Variants in HDLBP observed in about 807,000 individuals in gnomAD.
HDLBP encodes the protein vigilin.
In HDLBP, 30 loss-of-function variants were observed where a neutral mutation model predicts 137.3. The observed-to-expected ratio is 0.22, with a 90% CI of 0.16 to 0.30. HDLBP has a LOEUF of 0.30. HDLBP is among the 10% of genes least tolerant of loss of function. The pLI, the probability that HDLBP is intolerant of heterozygous loss-of-function variation, is 1.00. For synonymous variants in HDLBP, 606 were observed against 596.0 expected (o/e 1.02, Z -0.24); for missense variants, 1,119 against 1,667.3 (o/e 0.67, Z 5.73).
chr2:241,249,904 G>T lies in HDLBP; in HGVS notation c.1449C>A (p.Ile483=). The part of the protein sequence containing the change: ...PDSEKSNLIR[I]EGDPQGVQQA... ...GCTGCACGCCCTGTGGGTCCCCCTC[G>T]ATGCGGATCAAATTGCTCTTCTCAC... is the stretch of plus-strand genomic sequence containing the variant. The change falls in exon 12 of 28, where the codon ATC becomes ATA. Residue 483 remains isoleucine (I), a synonymous_variant. Coordinates refer to ENST00000310931, the MANE Select transcript of HDLBP (RefSeq NM_005336.6). The T allele has an allele frequency of 6.2e-7, 1 of 1,614,080 alleles. No individual in the cohort carries two copies. The highest frequency in any genetic ancestry group is 8.5e-7 in the Non-Finnish European group (1 of 1,179,968).
Position 241,255,378 on chromosome 2 carries a change from G to T in HDLBP, c.1076C>A (p.Ala359Asp). 1 of 1,613,680 alleles carries T rather than the reference G, an allele frequency of 6.2e-7. No homozygotes were observed. Among genetic ancestry groups the T allele is most frequent in the Non-Finnish European group, 8.5e-7 (1 of 1,179,586 alleles). The change falls in exon 8 of 28, where the codon GCC (alanine) becomes GAC (aspartate). Residue 359 changes from alanine (A) to aspartate (D), a missense_variant. This residue lies in a region of HDLBP where 425 missense variants were observed against 693.9 expected (regional missense o/e 0.61). Coordinates refer to ENST00000310931, the MANE Select transcript of HDLBP (RefSeq NM_005336.6). ...TTCATGCTCGGAGGCAGTTACCTTG[G>T]CATAGACTTCAGTCAACGCCTGACC... ...KLGQALTEVY[A>D]KANSFTVSSV...
rs547534187 is a variant in HDLBP, at chr2:241,240,573, C to G, written c.2170-451G>C. ...CCCACTCTTCTACCTGCTTCCAGACCAAGCACACACAAATCTGGGCCAGGC... is the reference window on the plus strand; with the variant it reads ...CCCACTCTTCTACCTGCTTCCAGACGAAGCACACACAAATCTGGGCCAGGC... On this transcript the variant is annotated intron_variant, in intron 17 of 27. Transcript: ENST00000310931. This position sits in a 1 kb window ranked among gnomAD's most constrained non-coding sequence, Gnocchi z 5.5. 3.3e-5 allele frequency among the ~76,000 whole-genome samples: 5 copies of G among 152,290 alleles called. No homozygotes were observed. The South Asian group carries it at 8.3e-4, about 25-fold the overall frequency.
At chr2:241,264,818 G>A (rs2073526096) in intron 3 of HDLBP, among the ~76,000 whole-genome samples, 1 of 152,050 alleles carries the variant, frequency 6.6e-6, no homozygotes, top group Non-Finnish European at 1.5e-5. Context: ...GCTAGAGGAG[G>A]CCAGAGACTC....
chr2:241,253,177 G>C, intron 10 of HDLBP, 142 bp from the exon 11 acceptor site: 1 of 672,282 alleles, frequency 1.5e-6, no homozygotes, highest in East Asian at 2.7e-5. Context: ...CATCTCCCCT[G>C]AAAGATGCCT....
At chr2:241,242,375 TC>T (rs2071327684) in intron 17 of HDLBP, 84 bp downstream of exon 17, 4 of 1,142,984 alleles carry the variant, frequency 3.5e-6, no homozygotes, top group African/African-American at 1.5e-5. Flanking sequence ...GGAAGGGCAT[TC>T]AGGGGTTTCC....
At chr2:241,275,254 A>T (rs1054517821) in intron 1 of HDLBP, among the ~76,000 whole-genome samples, 1 of 152,216 alleles carries the variant, frequency 6.6e-6, no homozygotes, top group East Asian at 1.9e-4. Flanking sequence ...CACAAATGGT[A>T]GAGAGGCTAA....
At chr2:241,277,618 A>T (rs897188855) in intron 1 of HDLBP, among the ~76,000 whole-genome samples, 5 of 152,248 alleles carry the variant, frequency 3.3e-5, no homozygotes, top group Non-Finnish European at 7.3e-5. Context: ...TGAGTTAGAA[A>T]TATAGTTTCA....
chr2:241,241,879 G>A (rs2071273610), intron 17 of HDLBP, among the ~76,000 whole-genome samples: 1 of 152,104 alleles, frequency 6.6e-6, no homozygotes, highest in African/African-American at 2.4e-5. Context: ...GTCAATCCTC[G>A]CCAGTCTCAT....
rs547186920 is a variant in HDLBP, at chr2:241,236,908, G to C, written c.2750-139C>G. Reference sequence around the variant, plus strand: ...GGAAAACCACTCCTGTCCTTCAGGAGGTCTTGGTCTGGTCAGGGAGAGCAG... The same window carrying C: ...GGAAAACCACTCCTGTCCTTCAGGACGTCTTGGTCTGGTCAGGGAGAGCAG... On this transcript the variant is annotated intron_variant, in intron 20 of 27. Coordinates refer to ENST00000310931, the MANE Select transcript of HDLBP (RefSeq NM_005336.6). 5.0e-5 allele frequency: 40 copies of C among 800,316 alleles called. 1 individual carries two copies. In the East Asian group the frequency reaches 1.0e-3, roughly 20 times the overall value. The allele number at this position is 800,316 out of a possible 1,614,324, so 49.6% of individuals were successfully genotyped here. A position where few individuals can be genotyped will look rare whatever the true frequency, so the allele number is the denominator to read the frequency against.
At chr2:241,261,548 C>A (rs1041420287) in intron 5 of HDLBP, among the ~76,000 whole-genome samples, 7 of 152,124 alleles carry the variant, frequency 4.6e-5, no homozygotes, top group Non-Finnish European at 8.8e-5. Context: ...TCATTCTGAT[C>A]CATATATTCA....
chr2:241,272,433 G>A lies in HDLBP; in HGVS notation c.-102-3892C>T. The stretch of plus-strand genomic sequence containing the variant: ...GGGGTGCCCCACCGAAGCCCCGGGA[G>A]GAGGCGGGGGAGCCCAGCTTGCAGC... On this transcript the variant is annotated intron_variant, in intron 1 of 27. Transcript: ENST00000310931. This position sits in a 1 kb window ranked among gnomAD's most constrained non-coding sequence, Gnocchi z 5.6. 1 of 984,772 alleles carries A rather than the reference G, an allele frequency of 1.0e-6. No individual in the cohort carries two copies. The highest frequency in any genetic ancestry group is 1.2e-6 in the Non-Finnish European group (1 of 829,694). The allele number at this position is 984,772 out of a possible 1,614,324, so 61.0% of individuals were successfully genotyped here. A position where few individuals can be genotyped will look rare whatever the true frequency, so the allele number is the denominator to read the frequency against.
chr2:241,280,016 G>A, intron 1 of HDLBP: 1 of 985,418 alleles, frequency 1.0e-6, no homozygotes, highest in Non-Finnish European at 1.2e-6. Context: ...TCATCTCCAA[G>A]GCTGTGGGAG....
chr2:241,242,241 G>A (rs1465745338), intron 17 of HDLBP, among the ~76,000 whole-genome samples: 2 of 152,146 alleles, frequency 1.3e-5, no homozygotes, highest in Non-Finnish European at 2.9e-5. Flanking sequence ...AAACTAATAA[G>A]CCAAAGACCA....
intron 1 of HDLBP, among the ~76,000 whole-genome samples, chr2:241,277,604 A>T (rs1467015822): frequency 6.6e-6 from 1 of 152,254 alleles, no homozygotes; most frequent in Admixed American, 6.5e-5. Flanking sequence ...TAAGTTACCC[A>T]AACTGAGTTA....
At chr2:241,273,561 A>G in intron 1 of HDLBP, 1 of 975,834 alleles carries the variant, frequency 1.0e-6, no homozygotes, top group Non-Finnish European at 1.2e-6. Context: ...TTACTAAGTG[A>G]TAACTGCCAC....
intron 3 of HDLBP, among the ~76,000 whole-genome samples, chr2:241,265,417 T>G (rs1334681926): frequency 1.3e-5 from 2 of 151,712 alleles, no homozygotes; most frequent in African/African-American, 4.8e-5. Context: ...AAACTCCGTC[T>G]CAAAAAAAAA....
Position 241,238,897 on chromosome 2 carries a change from G to T in HDLBP, c.2611-110C>A. On this transcript the variant is annotated intron_variant, in intron 19 of 27. Transcript: ENST00000310931. The surrounding 1 kb of genome is among the most constrained non-coding windows in gnomAD (Gnocchi z 4.9). ...TCCTCCCTGTCCTCTACAGCCACTT[G>T]GCACAGATGCTCCCCTTCTCCCGAG... 1 of 828,500 alleles carries T rather than the reference G, an allele frequency of 1.2e-6. No individual in the cohort carries two copies. The highest frequency in any genetic ancestry group is 1.8e-6 in the Non-Finnish European group (1 of 563,726). The allele number at this position is 828,500 out of a possible 1,614,324, so 51.3% of individuals were successfully genotyped here. A position where few individuals can be genotyped will look rare whatever the true frequency, so the allele number is the denominator to read the frequency against.
intron 1 of HDLBP, among the ~76,000 whole-genome samples, chr2:241,298,608 T>C (rs1369879457): frequency 2.0e-5 from 3 of 152,108 alleles, no homozygotes; most frequent in Admixed American, 2.0e-4. Context: ...CAAAAGTATC[T>C]CCCTACTATA....
chr2:241,245,534 C>T (rs1245858767), intron 16 of HDLBP, among the ~76,000 whole-genome samples: 2 of 152,172 alleles, frequency 1.3e-5, no homozygotes, highest in African/African-American at 2.4e-5. Flanking sequence ...GGTGCAGTGG[C>T]TCACACCTGT....
Sources: allele counts gnomAD v4.1 joint callset (sites outside exome capture counted in the v4.1 genomes callset), GRCh38; gene constraint gnomAD v4.1.1; regional missense constraint gnomAD v4.1.1; non-coding constraint Gnocchi (gnomAD v3.1); transcripts MANE v1.5; gene names NCBI Gene and HGNC (gene_info 2026-07-23, HGNC 2026-07-21).